The following CCDC57 variants were observed in gnomAD, a reference collection of about 807,000 sequenced individuals.
The protein encoded by CCDC57 is coiled-coil domain-containing protein 57.
CCDC57 carries 118 observed loss-of-function variants against 118.9 expected under a neutral mutation model. That is an observed-to-expected ratio of 0.99 (90% CI 0.86 to 1.16). The LOEUF (loss-of-function observed/expected upper bound fraction) is 1.16, where lower values mean the gene tolerates loss of function less well. CCDC57 is among the 50% of genes most tolerant of loss of function. The pLI, the probability that CCDC57 is intolerant of heterozygous loss-of-function variation, is 0.00. For synonymous variants in CCDC57, 527 were observed against 532.9 expected, an observed-to-expected ratio of 0.99 and a Z score of 0.15; for missense variants, 1,300 against 1,320.7, an observed-to-expected ratio of 0.98 and a Z score of 0.24.
intron 5 of CCDC57, among the ~76,000 whole-genome samples, chr17:82,194,920 G>A (rs1599378486): frequency 6.6e-6 from 1 of 152,258 alleles, no homozygotes; most frequent in African/African-American, 2.4e-5. Context: ...GGACCGGGCT[G>A]CGCCCGGCAT....
chr17:82,152,664 C>T (rs1321172617), intron 15 of CCDC57, among the ~76,000 whole-genome samples: 4 of 152,362 alleles, frequency 2.6e-5, no homozygotes, highest in East Asian at 3.9e-4. Context: ...CTACTTCTCC[C>T]GTGCCACTCC....
chr17:82,111,829 ACTC>A (rs1328924358), intron 19 of CCDC57, among the ~76,000 whole-genome samples: 1 of 151,050 alleles, frequency 6.6e-6, no homozygotes, highest in Non-Finnish European at 1.5e-5. Flanking sequence ...CTGGTTGTGA[ACTC>A]CTGACCTCAA....
intron 16 of CCDC57, among the ~76,000 whole-genome samples, chr17:82,148,736 G>GGT (rs2041343249): frequency 2.9e-5 from 1 of 33,946 alleles, no homozygotes; most frequent in Admixed American, 4.3e-4. Flanking sequence ...ACATGGATGG[G>GGT]TGGGTGGGTG....
At position 82,188,103 on chromosome 17, in the gene CCDC57, C is replaced by T. The variant is rs925074652; in HGVS notation, c.1052+116G>A. ...GAAAAGTGACTGAGAGCTACAGAAG[C>T]CACTCTGTCTGCTGCCTGGCCCCCT... On this transcript the variant is annotated intron_variant, in intron 8 of 19. Coordinates refer to ENST00000665763, the Ensembl canonical transcript of CCDC57. 5 of 776,218 alleles carry T rather than the reference C, an allele frequency of 6.4e-6. No homozygotes were observed. The African/African-American group carries it at 9.1e-5, about 14-fold the overall frequency. 48.1% of individuals were successfully genotyped at this position (776,218 alleles called of 1,614,324 possible).
intron 16 of CCDC57, among the ~76,000 whole-genome samples, chr17:82,137,156 T>G (rs918744346): frequency 2.0e-5 from 3 of 152,006 alleles, no homozygotes; most frequent in African/African-American, 7.2e-5. Context: ...TAGCTTGGAT[T>G]ACAGGCACCT....
chr17:82,201,738 G>C, exon 3 of CCDC57: 6 of 1,613,944 alleles, frequency 3.7e-6, no homozygotes, highest in Non-Finnish European at 5.1e-6. Flanking sequence ...GCTCCAGCTC[G>C]AGGTCCCGCT....
At chr17:82,104,365 A>C (rs956647171) in intron 19 of CCDC57, among the ~76,000 whole-genome samples, 1 of 152,050 alleles carries the variant, frequency 6.6e-6, no homozygotes, top group African/African-American at 2.4e-5. Context: ...GAGCTTCTGG[A>C]AAGTTCCTGA....
At chr17:82,186,176 T>A (rs1035272250) in intron 8 of CCDC57, among the ~76,000 whole-genome samples, 1 of 152,014 alleles carries the variant, frequency 6.6e-6, no homozygotes, top group African/African-American at 2.4e-5. Flanking sequence ...ATAGCTGAAC[T>A]CCCCAGAAGT....
intron 3 of CCDC57, among the ~76,000 whole-genome samples, chr17:82,199,864 T>C (rs2048785312): frequency 6.6e-6 from 1 of 152,048 alleles, no homozygotes; most frequent in Non-Finnish European, 1.5e-5. Flanking sequence ...TCTACCACAT[T>C]AGCAAGCAGC....
At chr17:82,177,253 G>A (rs547994683) in intron 11 of CCDC57, among the ~76,000 whole-genome samples, 1 of 152,288 alleles carries the variant, frequency 6.6e-6, no homozygotes, top group African/African-American at 2.4e-5. Context: ...GCACATGCCT[G>A]TAATCCCAGC....
At chr17:82,168,433 A>C (rs1339386944) in intron 13 of CCDC57, among the ~76,000 whole-genome samples, 1 of 152,158 alleles carries the variant, frequency 6.6e-6, no homozygotes, top group African/African-American at 2.4e-5. Context: ...TGTCTCTACT[A>C]ACAATACAAA....
intron 8 of CCDC57, among the ~76,000 whole-genome samples, chr17:82,184,790 A>ATATAT (rs2046732365): frequency 6.6e-6 from 1 of 152,234 alleles, no homozygotes; most frequent in East Asian, 1.9e-4. Context: ...ATAGAATGGA[A>ATATAT]AAAAAGCCAC....
intron 11 of CCDC57, among the ~76,000 whole-genome samples, chr17:82,176,765 CAA>C (rs1402865776): frequency 6.6e-6 from 1 of 151,946 alleles, no homozygotes; most frequent in Non-Finnish European, 1.5e-5. Context: ...ACAAGGAAGG[CAA>C]GTTTCTCCTG....
intron 7 of CCDC57, among the ~76,000 whole-genome samples, chr17:82,193,239 G>A (rs1308637012): frequency 6.6e-6 from 1 of 152,078 alleles, no homozygotes; most frequent in East Asian, 1.9e-4. Context: ...AAAGTCCAGA[G>A]CATAAACAGA....
chr17:82,155,901 C>T (rs1018141841), intron 15 of CCDC57: 1 of 152,232 alleles, frequency 6.6e-6, no homozygotes, highest in African/African-American at 2.4e-5. Flanking sequence ...CATGTAGACA[C>T]AGAGCCTGGA....
intron 7 of CCDC57, among the ~76,000 whole-genome samples, chr17:82,188,943 T>C (rs2047317326): frequency 6.6e-6 from 1 of 152,172 alleles, no homozygotes. Flanking sequence ...CCACACCACT[T>C]TGCCTGGCAA....
chr17:82,119,797 G>T lies in CCDC57; in HGVS notation c.2899+7895C>A, dbSNP rs912368480. ...CGTGCTGGGCCCCAGCAGTCTGTGTGGGAGACCTATCTATCTGAGGCTGTC... is the reference window on the plus strand; with the variant it reads ...CGTGCTGGGCCCCAGCAGTCTGTGTTGGAGACCTATCTATCTGAGGCTGTC... On this transcript the variant is annotated intron_variant, in intron 19 of 19. Coordinates refer to ENST00000665763, the Ensembl canonical transcript of CCDC57. 4.6e-5 allele frequency among the ~76,000 whole-genome samples: 7 copies of T among 152,188 alleles called. No individual in the cohort carries two copies. In the East Asian group the frequency reaches 1.4e-3, roughly 30 times the overall value.
At chr17:82,102,379 A>C (rs1356088671) in intron 19 of CCDC57, among the ~76,000 whole-genome samples, 7 of 152,248 alleles carry the variant, frequency 4.6e-5, no homozygotes, top group Non-Finnish European at 1.0e-4. Context: ...CCACGTGGCC[A>C]GGCACAGGCC....
At chr17:82,123,563 C>T (rs1046988998) in intron 19 of CCDC57, among the ~76,000 whole-genome samples, 7 of 151,982 alleles carry the variant, frequency 4.6e-5, no homozygotes, top group Non-Finnish European at 7.4e-5. Context: ...CACCTAACAG[C>T]GAACCTCAAA....
Sources: allele counts gnomAD v4.1 joint callset (sites outside exome capture counted in the v4.1 genomes callset), GRCh38; gene constraint gnomAD v4.1.1; transcripts MANE v1.5; gene names NCBI Gene and HGNC (gene_info 2026-07-23, HGNC 2026-07-21).